STXBP6: variants seen among roughly 807,000 people sequenced by gnomAD.
The protein encoded by STXBP6 is syntaxin-binding protein 6.
STXBP6 carries 21 observed loss-of-function variants against 26.9 expected under a neutral mutation model. The observed-to-expected ratio is 0.78, with a 90% CI of 0.55 to 1.12. STXBP6 has a LOEUF of 1.12. Among genes scored for constraint, STXBP6 ranks in the 50% most tolerant of loss-of-function variants. The pLI, the probability that STXBP6 is intolerant of heterozygous loss-of-function variation, is 0.00. For missense variants in STXBP6, 232 were observed against 257.9 expected (o/e 0.90, Z 0.69); for synonymous variants, 97 against 92.6 (o/e 1.05, Z -0.27).
chr14:24,891,600 A>G (rs2070789794), intron 2 of STXBP6, among the ~76,000 whole-genome samples: 1 of 152,198 alleles, frequency 6.6e-6, no homozygotes, highest in Non-Finnish European at 1.5e-5. Flanking sequence ...ATCTCATTTC[A>G]CTAAATAGAG....
chr14:25,042,631 C>T (rs1033518687), intron 1 of STXBP6, among the ~76,000 whole-genome samples: 1 of 152,176 alleles, frequency 6.6e-6, no homozygotes, highest in Non-Finnish European at 1.5e-5. Flanking sequence ...CGGCCCTGTC[C>T]CATTCCGAAG....
intron 4 of STXBP6, among the ~76,000 whole-genome samples, chr14:24,823,617 T>C (rs1445594520): frequency 6.6e-6 from 1 of 152,176 alleles, no homozygotes; most frequent in African/African-American, 2.4e-5. Context: ...ATAATAAATA[T>C]ATGCCCATCT....
At chr14:25,039,271 CAACTCAAACAGGA>C (rs1346975863) in intron 1 of STXBP6, among the ~76,000 whole-genome samples, 1 of 152,118 alleles carries the variant, frequency 6.6e-6, no homozygotes, top group Non-Finnish European at 1.5e-5. Context: ...GTTTTCATTT[CAACTCAAACAGGA>C]AGTTATTATA....
At chr14:24,816,396 A>T (rs1306072683) in intron 5 of STXBP6, 1 of 151,972 alleles carries the variant, frequency 6.6e-6, no homozygotes, top group Non-Finnish European at 1.5e-5. Context: ...AAATAGCCAC[A>T]CCTTATCTAA....
chr14:24,934,192 T>C (rs796074125), intron 2 of STXBP6, among the ~76,000 whole-genome samples: 17 of 152,216 alleles, frequency 1.1e-4, no homozygotes, highest in Non-Finnish European at 1.6e-4. Flanking sequence ...ATTGAACTTG[T>C]AGATTTTATA....
At chr14:24,853,748 C>T (rs854324) in intron 4 of STXBP6, among the ~76,000 whole-genome samples, 11,786 of 152,046 alleles carry the variant, frequency 0.078, 556 homozygotes, top group East Asian at 0.18. Flanking sequence ...AACCAATATT[C>T]GGCTTGCCTA....
intron 2 of STXBP6, among the ~76,000 whole-genome samples, chr14:24,946,531 T>C (rs73593470): frequency 0.057 from 8,731 of 152,056 alleles, 816 homozygotes; most frequent in African/African-American, 0.2. Context: ...TACTGAGAGA[T>C]TGGTGAAAGA....
intron 2 of STXBP6, among the ~76,000 whole-genome samples, chr14:24,860,989 T>G (rs1276859074): frequency 6.6e-6 from 1 of 152,142 alleles, no homozygotes; most frequent in Non-Finnish European, 1.5e-5. Context: ...ACATTTACTA[T>G]ACACATTGAA....
At chr14:25,033,141 G>A (rs944592416) in intron 1 of STXBP6, among the ~76,000 whole-genome samples, 2 of 152,104 alleles carry the variant, frequency 1.3e-5, no homozygotes, top group Non-Finnish European at 2.9e-5. Context: ...TACCTGGGGA[G>A]GCATGACGGT....
chr14:24,813,925 C>G (rs12586290), intron 5 of STXBP6, among the ~76,000 whole-genome samples: 3,874 of 152,286 alleles, frequency 0.025, 168 homozygotes, highest in East Asian at 0.19. Context: ...ACAAGTGTCC[C>G]CAGCCAGGTT....
At chr14:25,007,228 T>A (rs1249424667) in intron 1 of STXBP6, among the ~76,000 whole-genome samples, 1 of 152,214 alleles carries the variant, frequency 6.6e-6, no homozygotes, top group African/African-American at 2.4e-5. Context: ...TTGTTGGAAT[T>A]TCTATTCATC....
At chr14:24,823,620 G>A (rs1027913718) in intron 4 of STXBP6, among the ~76,000 whole-genome samples, 1 of 152,038 alleles carries the variant, frequency 6.6e-6, no homozygotes, top group African/African-American at 2.4e-5. Flanking sequence ...ATAAATATAT[G>A]CCCATCTATA....
intron 2 of STXBP6, among the ~76,000 whole-genome samples, chr14:24,931,630 G>A (rs1243670448): frequency 6.6e-6 from 1 of 152,166 alleles, no homozygotes; most frequent in Admixed American, 6.5e-5. Context: ...AACAAGTGAA[G>A]TGTACTCTCT....
chr14:24,940,817 C>T lies in STXBP6; in HGVS notation c.154+33848G>A, dbSNP rs1301106227. On this transcript the variant is annotated intron_variant, in intron 2 of 5. Coordinates refer to ENST00000323944, the MANE Select transcript of STXBP6 (RefSeq NM_001394410.1). ...GATCACAAGGTCAGGAGTTCAAAAC[C>T]AGCCTGGCCAAGATGGTGAAACCCC... 4.6e-5 allele frequency among the ~76,000 whole-genome samples: 7 copies of T among 152,196 alleles called. No individual in the cohort carries two copies. In the South Asian group the frequency reaches 8.3e-4, roughly 18 times the overall value.
intron 4 of STXBP6, chr14:24,819,514 A>G (rs932642886): frequency 5.8e-6 from 3 of 517,356 alleles, no homozygotes; most frequent in Middle Eastern, 4.4e-4. Flanking sequence ...TGGATTTACA[A>G]CTTGGCTTGC....
Position 24,913,749 on chromosome 14 carries a change from T to G in STXBP6, c.155-56592A>C, listed in dbSNP as rs1595098857. ...GACACTAATTAAAAACAATGAGAGA[T>G]AAAATCTTTATAGTCTTTGGAAAAA... On this transcript the variant is annotated intron_variant, in intron 2 of 5. Coordinates refer to ENST00000323944, the MANE Select transcript of STXBP6 (RefSeq NM_001394410.1). Among the ~76,000 whole-genome samples the G allele has an allele frequency of 2.0e-5, 3 of 152,194 alleles. No homozygotes were observed. The South Asian group carries it at 6.2e-4, about 31-fold the overall frequency.
At chr14:24,957,176 C>T (rs909067539) in intron 2 of STXBP6, among the ~76,000 whole-genome samples, 1 of 152,124 alleles carries the variant, frequency 6.6e-6, no homozygotes, top group Non-Finnish European at 1.5e-5. Context: ...TGTTCTGTGG[C>T]CATGGCCAGA....
At chr14:24,835,809 T>A (rs79442699) in intron 4 of STXBP6, among the ~76,000 whole-genome samples, 1 of 152,354 alleles carries the variant, frequency 6.6e-6, no homozygotes, top group East Asian at 1.9e-4. Context: ...AATAACGATA[T>A]CCATAGTGCC....
chr14:24,907,716 A>G (rs942331517), intron 2 of STXBP6, among the ~76,000 whole-genome samples: 18 of 152,202 alleles, frequency 1.2e-4, no homozygotes, highest in Non-Finnish European at 5.9e-5. Context: ...CTTGTATTTG[A>G]AGGGACAATG....
Sources: allele counts gnomAD v4.1 joint callset (sites outside exome capture counted in the v4.1 genomes callset), GRCh38; gene constraint gnomAD v4.1.1; transcripts MANE v1.5; gene names NCBI Gene and HGNC (gene_info 2026-07-23, HGNC 2026-07-21).